Variants in GYG2 observed in about 807,000 individuals in gnomAD.
GYG2 encodes glycogenin 2, also known as glycogenin-2.
A neutral mutation model predicts 29.4 loss-of-function variants in GYG2; 29 were observed. The observed-to-expected ratio is 0.99, with a 90% CI of 0.74 to 1.35. The LOEUF (loss-of-function observed/expected upper bound fraction) is 1.35, where lower values mean the gene tolerates loss of function less well. Among genes scored for constraint, GYG2 ranks in the 40% most tolerant of loss-of-function variants. The pLI is 0.00. For missense variants in GYG2, 370 were observed against 385.7 expected, an observed-to-expected ratio of 0.96 and a Z score of 0.34; for synonymous variants, 167 against 172.3, an observed-to-expected ratio of 0.97 and a Z score of 0.24.
chrX:2,875,943 G>C lies in GYG2; in HGVS notation c.1143+29G>C, dbSNP rs200557995. Reference sequence around the variant, plus strand: ...TTCCTCATCTATATGACCTACACATGGCCAGCTCTCTTATTGCTTGTTATT... The same window carrying C: ...TTCCTCATCTATATGACCTACACATCGCCAGCTCTCTTATTGCTTGTTATT... On this transcript the variant is annotated intron_variant, in intron 9 of 10. Transcript: ENST00000398806. 3,714 of 817,651 alleles carry C rather than the reference G, an allele frequency of 4.5e-3. 12 individuals are homozygous for C. The highest frequency in any genetic ancestry group is 4.5e-3 in the Non-Finnish European group (2,467 of 545,321). The allele number at this position is 817,651 out of a possible 1,213,427, so 67.4% of individuals were successfully genotyped here. A position where few individuals can be genotyped will look rare whatever the true frequency, so the allele number is the denominator to read the frequency against.
chrX:2,879,575 T>A (rs981262850), intron 10 of GYG2, among the ~76,000 whole-genome samples: 2 of 112,616 alleles, frequency 1.8e-5, no homozygotes, highest in Non-Finnish European at 1.9e-5. Context: ...ATCTATCTAT[T>A]TTCTATCATC....
chrX:2,840,247 G>T (rs1251849233), intron 2 of GYG2, among the ~76,000 whole-genome samples: 3 of 111,575 alleles, frequency 2.7e-5, no homozygotes, highest in African/African-American at 9.8e-5. Context: ...GGACGGGGTA[G>T]GGGATTGGAT....
chrX:2,838,452 C>CCCCTGCCTTCCTCCTT (rs1555895869), intron 2 of GYG2, among the ~76,000 whole-genome samples: 2 of 72,705 alleles, frequency 2.8e-5, no homozygotes, highest in Non-Finnish European at 5.3e-5. Context: ...CCCCTCCCCT[C>CCCCTGCCTTCCTCCTT]CCCTCCCTTC....
chrX:2,853,172 G>A (rs1427726786), intron 3 of GYG2, among the ~76,000 whole-genome samples: 1 of 110,681 alleles, frequency 9.0e-6, no homozygotes, highest in Non-Finnish European at 1.9e-5. Flanking sequence ...CCACCAGCAC[G>A]CCTGGCTAAT....
At chrX:2,876,079 T>C (rs905984757) in intron 9 of GYG2, among the ~76,000 whole-genome samples, 165 bp downstream of exon 9, 58 of 82,358 alleles carry the variant, frequency 7.0e-4, no homozygotes, top group Non-Finnish European at 1.2e-3. Context: ...TTCTCCCACC[T>C]GGAATAAGTT....
At chrX:2,832,884 C>T (rs2087296939) in intron 2 of GYG2, among the ~76,000 whole-genome samples, 1 of 112,189 alleles carries the variant, frequency 8.9e-6, no homozygotes, top group African/African-American at 3.2e-5. Context: ...AGAGCCCACC[C>T]TAGTGACTTA....
chrX:2,879,470 G>A (rs370528035), intron 10 of GYG2, among the ~76,000 whole-genome samples: 2 of 111,084 alleles, frequency 1.8e-5, no homozygotes, highest in East Asian at 5.7e-4. Context: ...GTTTCACCAT[G>A]TTGGCCGGGC....
Position 2,851,241 on chromosome X carries a change from TTTG to T in GYG2, c.150-2721_150-2719del, listed in dbSNP as rs1300820309. 1.3e-3 allele frequency among the ~76,000 whole-genome samples: 144 copies of T among 110,942 alleles called. 1 individual carries two copies. The highest frequency in any genetic ancestry group is 2.7e-3 in the African/African-American group (83 of 30,562). The stretch of plus-strand genomic sequence containing the variant: ...TGTTTTATAGATTGTTCTTCAGTTG[TTTG>T]TTGTTGTTGTTGTTGTTTTGAGACA... On this transcript the variant is annotated intron_variant, in intron 3 of 10. Transcript: ENST00000398806.
chrX:2,864,385 ATTTT>A (rs11283991), intron 8 of GYG2, among the ~76,000 whole-genome samples: 1 of 100,191 alleles, frequency 1.0e-5, no homozygotes, highest in Non-Finnish European at 2.0e-5. Flanking sequence ...AAATGGTTGC[ATTTT>A]TTTTTTTTTT....
At chrX:2,868,723 G>A (rs1361533401) in intron 8 of GYG2, among the ~76,000 whole-genome samples, 1 of 110,696 alleles carries the variant, frequency 9.0e-6, no homozygotes, top group African/African-American at 3.3e-5. Flanking sequence ...TAATGCATGC[G>A]GGGCTTAAAA....
intron 7 of GYG2, among the ~76,000 whole-genome samples, chrX:2,861,289 T>TAAATACTGGATTACTAAGTACTGGATTAC (rs1569067794): frequency 7.3e-5 from 8 of 108,938 alleles, no homozygotes; most frequent in African/African-American, 2.7e-4. Context: ...TACTGGATTA[T>TAAATACTGGATTACTAAGTACTGGATTAC]TAAGTACTGG....
At position 2,871,142 on chromosome X, in the gene GYG2, C is replaced by G. The variant is rs145760500; in HGVS notation, c.1039-4668C>G. ...TGACCAGTCTATTTCTGGTTCTCCT[C>G]TCAGTGAGGTCACAAAAGAAAGCTT... On this transcript the variant is annotated intron_variant, in intron 8 of 10. Transcript: ENST00000398806. Among the ~76,000 whole-genome samples the G allele has an allele frequency of 6.6e-3, 727 of 109,876 alleles. 3 individuals carry two copies. Among genetic ancestry groups the G allele is most frequent in the Non-Finnish European group, 0.011 (579 of 52,816 alleles).
chrX:2,841,833 C>A (rs1044440361), intron 2 of GYG2, among the ~76,000 whole-genome samples: 2 of 112,159 alleles, frequency 1.8e-5, no homozygotes, highest in African/African-American at 6.5e-5. Context: ...TGGGACTTCT[C>A]GGCATTGCTG....
At position 2,877,245 on chromosome X, in the gene GYG2, G is replaced by C. The variant is rs138101249; in HGVS notation, c.1189G>C (p.Glu397Gln). The change falls in exon 10 of 11, where the codon GAA (glutamate) becomes CAA (glutamine). Residue 397 changes from glutamate (E) to glutamine (Q), a missense_variant. Glu to Gln is a conservative substitution (Grantham distance 29, BLOSUM62 2). Transcript: ENST00000398806. ...AAGTGTCTCATCCGAGGAAACCTTCGAACCAAGCCAGGAACTCCCTGCTGA... is the reference window on the plus strand; with the variant it reads ...AAGTGTCTCATCCGAGGAAACCTTCCAACCAAGCCAGGAACTCCCTGCTGA... ...VESVSSEETFEPSQELPAEAL... is the reference protein window; with the variant it reads ...VESVSSEETFQPSQELPAEAL... The C allele has an allele frequency of 5.6e-4, 671 of 1,208,006 alleles. No homozygotes were observed. Among genetic ancestry groups the C allele is most frequent in the Non-Finnish European group, 7.2e-4 (646 of 894,234 alleles).
chrX:2,877,896 G>A (rs2088637114), intron 10 of GYG2: 6 of 744,453 alleles, frequency 8.1e-6, no homozygotes, highest in Non-Finnish European at 9.5e-6. Flanking sequence ...TCTAGAGCTA[G>A]GTTTAGGTCT....
intron 7 of GYG2, among the ~76,000 whole-genome samples, 156 bp from the exon 8 acceptor site, chrX:2,861,366 C>T (rs933661420): frequency 5.4e-5 from 6 of 111,679 alleles, no homozygotes; most frequent in South Asian, 3.7e-4. Flanking sequence ...TAGTGTCAAA[C>T]GGTCCTGAGA....
intron 8 of GYG2, among the ~76,000 whole-genome samples, chrX:2,865,700 T>G (rs1458935394): frequency 9.0e-6 from 1 of 111,211 alleles, no homozygotes; most frequent in African/African-American, 3.3e-5. Context: ...TTCACCCCAG[T>G]TAGGTGGTGT....
chrX:2,860,790 C>T (rs998984794), intron 7 of GYG2, among the ~76,000 whole-genome samples: 1 of 109,994 alleles, frequency 9.1e-6, no homozygotes, highest in East Asian at 2.8e-4. Context: ...AGTGCAGTGA[C>T]ATGATCTCGG....
intron 8 of GYG2, among the ~76,000 whole-genome samples, chrX:2,864,343 C>G (rs11152553): frequency 9.3e-6 from 1 of 107,621 alleles, no homozygotes; most frequent in African/African-American, 3.4e-5. Flanking sequence ...CAAAGTGGGG[C>G]GGGGGCTTCC....
Sources: gnomAD v4.1 joint callset for allele counts (sites outside exome capture counted in the v4.1 genomes callset) on GRCh38, gnomAD v4.1.1 for gene constraint, MANE v1.5 for transcripts, NCBI Gene and HGNC (gene_info 2026-07-23, HGNC 2026-07-21) for gene names.